The following INTS1 variants were observed in gnomAD, a reference collection of about 807,000 sequenced individuals.
INTS1 encodes the protein integrator complex subunit 1.
INTS1 carries 137 observed loss-of-function variants against 241.6 expected under a neutral mutation model. The ratio of observed to expected loss-of-function variants is 0.57; its 90% confidence interval spans 0.49 to 0.65. The LOEUF is 0.65. Ranked by LOEUF, INTS1 falls within the 30% of genes least tolerant of loss-of-function variation. The pLI is 0.00. For synonymous variants in INTS1, 1,692 were observed against 1,337.8 expected, an observed-to-expected ratio of 1.26 and a Z score of -5.78; for missense variants, 3,073 against 3,032.2, an observed-to-expected ratio of 1.01 and a Z score of -0.32.
chr7:1,493,484 G>A lies in INTS1; in HGVS notation c.2068+270C>T, dbSNP rs547962852. Among the ~76,000 whole-genome samples the A allele has an allele frequency of 1.3e-5, 2 of 152,256 alleles. No individual in the cohort carries two copies. The highest frequency in any genetic ancestry group is 2.1e-4 in the South Asian group (1 of 4,820). On this transcript the variant is annotated intron_variant, in intron 15 of 47. Transcript: ENST00000404767. The surrounding 1 kb of genome is among the most constrained non-coding windows in gnomAD (Gnocchi z 5.3). ...GAGGTGACAGACAGGAAATCTGGCC[G>A]TGGCCAAATCACACCGAGAATGCCA... is the stretch of plus-strand genomic sequence containing the variant.
Position 1,497,122 on chromosome 7 carries a change from C to T in INTS1, c.1602+16G>A, listed in dbSNP as rs1165351590. 1.0e-5 allele frequency: 16 copies of T among 1,584,350 alleles called. No homozygotes were observed. The highest frequency in any genetic ancestry group is 1.8e-5 in the Admixed American group (1 of 56,528). ...CCGCAGTGAGGGAAAGGCGCCCCAG[C>T]GGCGAGGGCTGGCACCTTGAACTCC... is the stretch of plus-strand genomic sequence containing the variant. On this transcript the variant is annotated intron_variant, in intron 11 of 47. Coordinates refer to ENST00000404767, the MANE Select transcript of INTS1 (RefSeq NM_001080453.3). The surrounding 1 kb of genome is among the most constrained non-coding windows in gnomAD (Gnocchi z 5.3).
chr7:1,471,257 A>G, intron 45 of INTS1, 33 bp from the exon 46 acceptor site: 2 of 1,549,816 alleles, frequency 1.3e-6, no homozygotes, highest in Non-Finnish European at 1.7e-6. Flanking sequence ...GTGTGTGACC[A>G]AGGGGTCCAG....
Position 1,493,125 on chromosome 7 carries a change from C to T in INTS1, c.2069-19G>A. ...TCCACATCTAAGACCAAGAGCCACA[C>T]ATGGGTTCTGGGGCTGCTCACAGAC... On this transcript the variant is annotated intron_variant, in intron 15 of 47. Coordinates refer to ENST00000404767, the MANE Select transcript of INTS1 (RefSeq NM_001080453.3). The surrounding 1 kb of genome is among the most constrained non-coding windows in gnomAD (Gnocchi z 5.3). 1 of 1,601,002 alleles carries T rather than the reference C, an allele frequency of 6.2e-7. No individual in the cohort carries two copies. The highest frequency in any genetic ancestry group is 8.6e-7 in the Non-Finnish European group (1 of 1,168,672).
At chr7:1,503,811 G>C in intron 2 of INTS1, 92 bp downstream of exon 2, 1 of 933,838 alleles carries the variant, frequency 1.1e-6, no homozygotes, top group Non-Finnish European at 1.6e-6. Context: ...GAACAACCAA[G>C]CCCAACGCAG....
At position 1,499,147 on chromosome 7, in the gene INTS1, G is replaced by A. The variant is rs201106690; in HGVS notation, c.965C>T (p.Ala322Val). ...CAGGACATACTCCTCCACGCTCTCC[G>A]CGAGCTCTTCGTACCTAGGCCAGAG... ...GQLMPRYEEL[A>V]ESVEEYVLDM... Residue 322 changes from alanine (A) to valine (V), a missense_variant, in exon 8 of 48, where the codon GCG becomes GTG. Transcript: ENST00000404767. The A allele has an allele frequency of 4.1e-4, 665 of 1,610,040 alleles. 2 individuals carry two copies. Among genetic ancestry groups the A allele is most frequent in the South Asian group, 6.4e-4 (58 of 91,010 alleles).
chr7:1,499,834 C>G (rs992216551), intron 5 of INTS1, 50 bp downstream of exon 5: 1 of 1,582,754 alleles, frequency 6.3e-7, no homozygotes, highest in Admixed American at 1.7e-5. Context: ...CGCCCCTGCC[C>G]CACCCCGTGG....
In INTS1 at chr7:1,489,654, T is replaced by C; in HGVS notation, c.2194A>G (p.Thr732Ala). 2 of 1,578,402 alleles carry C rather than the reference T, an allele frequency of 1.3e-6. No individual in the cohort carries two copies. The highest frequency in any genetic ancestry group is 1.7e-6 in the Non-Finnish European group (2 of 1,160,840). The change falls in exon 17 of 48, where the codon ACC becomes GCC. Residue 732 changes from threonine (T) to alanine (A), a missense_variant. Transcript: ENST00000404767. ...AGGGGCCAGGCCTTCCAGTAGAGGG[T>C]AGAGATGGCGAGGTTCGGAGGCTGG... ...GYQPPNLAIS[T>A]LYWKAWPLLL...
chr7:1,470,651 T>C lies in INTS1; in HGVS notation c.6499A>G (p.Met2167Val), dbSNP rs780849947. Residue 2167 changes from methionine (M) to valine (V), a missense_variant, in exon 48 of 48, where the codon ATG becomes GTG. By Grantham distance (21) the Met-to-Val change is conservative (BLOSUM62 1). Transcript: ENST00000404767. ...VLLHRAFLVG[M>V]YGQMDPSAQI... ...GCGCTGGGGTCCATCTGGCCGTACA[T>C]GCCCACCAGGAAGGCCCGGTGGAGC... 64 of 1,586,140 alleles carry C rather than the reference T, an allele frequency of 4.0e-5. No homozygotes were observed. Among genetic ancestry groups the C allele is most frequent in the South Asian group, 5.7e-5 (5 of 87,374 alleles).
intron 2 of INTS1, 38 bp downstream of exon 2, chr7:1,503,865 A>AAGACCCCCC: frequency 2.0e-5 from 28 of 1,422,062 alleles, no homozygotes; most frequent in African/African-American, 3.1e-5. Context: ...AAAGACCCCC[A>AAGACCCCCC]AAGACCCCCG....
intron 2 of INTS1, 105 bp from the exon 3 acceptor site, chr7:1,503,296 G>C (rs1783288272): frequency 1.1e-5 from 14 of 1,252,674 alleles, no homozygotes; most frequent in Non-Finnish European, 1.5e-5. Context: ...ACAAGGGTCA[G>C]AGGAGGCAAG....
In INTS1 at chr7:1,484,051, G is replaced by A. The variant is rs188264555; in HGVS notation, c.3381C>T (p.Tyr1127=). The A allele has an allele frequency of 1.1e-4, 178 of 1,612,236 alleles. No individual in the cohort carries two copies. In the African/African-American group the frequency reaches 1.9e-3, roughly 17 times the overall value. The change falls in exon 25 of 48, where the codon TAC becomes TAT. Residue 1127 remains tyrosine (Y), a synonymous_variant. Coordinates refer to ENST00000404767, the MANE Select transcript of INTS1 (RefSeq NM_001080453.3). The part of the protein sequence containing the change: ...LSALLSIFSR[Y]VRRMRQSKEG... ...CCTTGCTCTGCCGCATGCGCCTCACGTAGCGTGAGAAGATGGACAACAGAG... is the reference window on the plus strand; with the variant it reads ...CCTTGCTCTGCCGCATGCGCCTCACATAGCGTGAGAAGATGGACAACAGAG...
rs1246266642 is a variant in INTS1, at chr7:1,503,053, G to A, written c.197C>T (p.Ser66Phe). ...GAGACCGGTGAGGGCCGAGGCACTG[G>A]ACAACGCGGCCGCCGCATCCCGCTT... ...ERKRDAAAALSSASALTGLTK... is the reference protein window; with the variant it reads ...ERKRDAAAALFSASALTGLTK... The change falls in exon 3 of 48, where the codon TCC (serine) becomes TTC (phenylalanine). Residue 66 changes from serine (S) to phenylalanine (F), a missense_variant. Physicochemically the swap from Ser to Phe is radical, Grantham distance 155. Coordinates refer to ENST00000404767, the MANE Select transcript of INTS1 (RefSeq NM_001080453.3). The A allele has an allele frequency of 5.0e-6, 8 of 1,613,510 alleles. No homozygotes were observed. Among genetic ancestry groups the A allele is most frequent in the Non-Finnish European group, 5.9e-6 (7 of 1,179,768 alleles).
Position 1,471,181 on chromosome 7 carries a change from C to A in INTS1, c.6299G>T (p.Arg2100Leu). The A allele has an allele frequency of 1.3e-6, 2 of 1,584,120 alleles. No homozygotes were observed. Among genetic ancestry groups the A allele is most frequent in the Non-Finnish European group, 1.7e-6 (2 of 1,166,740 alleles). Residue 2100 changes from arginine (R) to leucine (L), a missense_variant, in exon 46 of 48, where the codon CGC becomes CTC. Physicochemically the swap from Arg to Leu is moderately radical, Grantham distance 102. Transcript: ENST00000404767. ...CAGGGCCAGGCTGAAGGCGAGGTTGCGGCAACACTCCTCGGCCGAGCTCAT... is the reference window on the plus strand; with the variant it reads ...CAGGGCCAGGCTGAAGGCGAGGTTGAGGCAACACTCCTCGGCCGAGCTCAT... ...RLMSSAEECC[R>L]NLAFSLALRS...
Position 1,495,422 on chromosome 7 carries a change from C to T in INTS1, c.1832+11G>A, listed in dbSNP as rs1162708126. 6.2e-7 allele frequency: 1 copy of T among 1,606,442 alleles called. No homozygotes were observed. The highest frequency in any genetic ancestry group is 1.3e-5 in the African/African-American group (1 of 74,828). ...GTGTGGGACAGGGGCTGTACAGGGC[C>T]CCAGCCGCACCAGTGCACGTAGTCC... is the stretch of plus-strand genomic sequence containing the variant. On this transcript the variant is annotated intron_variant, in intron 13 of 47. Transcript: ENST00000404767.
intron 18 of INTS1, among the ~76,000 whole-genome samples, chr7:1,488,654 G>C (rs1782394808): frequency 6.6e-6 from 1 of 152,052 alleles, no homozygotes; most frequent in Admixed American, 6.6e-5. Flanking sequence ...ACAATACCAG[G>C]GCCACACACA....
At chr7:1,471,541 C>T in intron 45 of INTS1, 30 bp downstream of exon 45, 3 of 1,609,024 alleles carry the variant, frequency 1.9e-6, no homozygotes, top group African/African-American at 1.3e-5. Flanking sequence ...GTGGCTCCTC[C>T]CAGCTCTCCC....
intron 19 of INTS1, 68 bp from the exon 20 acceptor site, chr7:1,487,517 TC>T: frequency 6.5e-7 from 1 of 1,538,146 alleles, no homozygotes; most frequent in Non-Finnish European, 8.8e-7. Flanking sequence ...CCCCTCCTCC[TC>T]CCATCCCTGC....
chr7:1,478,052 G>C, intron 33 of INTS1, 116 bp from the exon 34 acceptor site: 1 of 893,030 alleles, frequency 1.1e-6, no homozygotes, highest in Non-Finnish European at 1.8e-6. Context: ...CACAAGAGCA[G>C]AGTCCAGCCG....
chr7:1,498,330 G>C, intron 10 of INTS1, 82 bp downstream of exon 10: 2 of 1,557,238 alleles, frequency 1.3e-6, no homozygotes, highest in African/African-American at 2.7e-5. Context: ...CAATCCACCG[G>C]CCTCCCCAGA....
Sources: allele counts gnomAD v4.1 joint callset (sites outside exome capture counted in the v4.1 genomes callset), GRCh38; gene constraint gnomAD v4.1.1; non-coding constraint Gnocchi (gnomAD v3.1); transcripts MANE v1.5; gene names NCBI Gene and HGNC (gene_info 2026-07-23, HGNC 2026-07-21).